RIMS3: variants seen among roughly 807,000 people sequenced by gnomAD.
The protein encoded by RIMS3 is regulating synaptic membrane exocytosis protein 3.
RIMS3 carries 15 observed loss-of-function variants against 29.2 expected under a neutral mutation model. That is an observed-to-expected ratio of 0.51 (90% CI 0.34 to 0.79). The LOEUF (loss-of-function observed/expected upper bound fraction) is 0.79. Among genes scored for constraint, RIMS3 ranks in the 30% least tolerant of loss-of-function variants. The pLI is 0.01. For synonymous variants in RIMS3, 161 were observed against 170.1 expected (o/e 0.95, Z 0.41); for missense variants, 342 against 421.4 (o/e 0.81, Z 1.65).
chr1:40,675,657 C>G, the RIMS3 span, among the ~76,000 whole-genome samples: 1 of 150,648 alleles, frequency 6.6e-6, no homozygotes, highest in African/African-American at 2.5e-5. Context: ...ACTCAGGAGG[C>G]TGAGGCAGGA....
chr1:40,686,238 A>G, the RIMS3 span, among the ~76,000 whole-genome samples: 3 of 152,012 alleles, frequency 2.0e-5, no homozygotes, highest in African/African-American at 7.2e-5. Flanking sequence ...CACAGCTTAC[A>G]ATGTGCCACT....
chr1:40,645,815 T>G (rs1408778134), intron 2 of RIMS3, among the ~76,000 whole-genome samples: 1 of 152,174 alleles, frequency 6.6e-6, no homozygotes, highest in Non-Finnish European at 1.5e-5. Flanking sequence ...GACAAGCAGT[T>G]GGTTTGGCAT....
intron 2 of RIMS3, among the ~76,000 whole-genome samples, chr1:40,642,885 G>C (rs1218856121): frequency 6.6e-6 from 1 of 150,378 alleles, no homozygotes; most frequent in African/African-American, 2.5e-5. Context: ...AAACTGGGGA[G>C]GCGGAGGTAG....
intron 5 of RIMS3, among the ~76,000 whole-genome samples, chr1:40,632,868 C>G (rs1391089819): frequency 2.0e-5 from 3 of 152,148 alleles, no homozygotes; most frequent in African/African-American, 4.8e-5. Flanking sequence ...ATTGTTAGAG[C>G]ATAGAACTCA....
intron 1 of RIMS3, among the ~76,000 whole-genome samples, chr1:40,659,524 C>T (rs1468413941): frequency 6.6e-6 from 1 of 152,160 alleles, no homozygotes; most frequent in Non-Finnish European, 1.5e-5. Flanking sequence ...TCCCTTCATT[C>T]ATCTAACAGC....
Position 40,636,104 on chromosome 1 carries a change from T to A in RIMS3, c.218-47A>T. The A allele has an allele frequency of 6.3e-7, 1 of 1,597,518 alleles. No individual in the cohort carries two copies. The highest frequency in any genetic ancestry group is 1.1e-5 in the South Asian group (1 of 90,956). On this transcript the variant is annotated intron_variant, in intron 3 of 7. Coordinates refer to ENST00000372684, the MANE Select transcript of RIMS3 (RefSeq NM_014747.3). The surrounding 1 kb of genome is among the most constrained non-coding windows in gnomAD (Gnocchi z 4.2). Reference sequence around the variant, plus strand: ...GCACAGAGAGGGAACAAGGTCAGATTATGAATGGGGCTTCTCTAAGAGTCC... The same window carrying A: ...GCACAGAGAGGGAACAAGGTCAGATAATGAATGGGGCTTCTCTAAGAGTCC...
At chr1:40,663,873 C>T (rs893677552) in intron 1 of RIMS3, among the ~76,000 whole-genome samples, 1 of 152,172 alleles carries the variant, frequency 6.6e-6, no homozygotes, top group African/African-American at 2.4e-5. Flanking sequence ...AGCTGCTGAG[C>T]CCTCCTGAGT....
chr1:40,642,905 G>A lies in RIMS3; in HGVS notation c.-31-949C>T, dbSNP rs1646567831. On this transcript the variant is annotated intron_variant, in intron 2 of 7. Transcript: ENST00000372684. ...GGGGAGGCGGAGGTAGCAGTGAGCC[G>A]AGATCGCACCATTGCACTCCAGCCT... 2.7e-5 allele frequency among the ~76,000 whole-genome samples: 4 copies of A among 150,304 alleles called. No homozygotes were observed. In the South Asian group the frequency reaches 8.5e-4, roughly 32 times the overall value.
chr1:40,685,352 ATT>A, the RIMS3 span, among the ~76,000 whole-genome samples: 101 of 44,642 alleles, frequency 2.3e-3, 2 homozygotes, highest in East Asian at 0.018. Flanking sequence ...TTATATATAT[ATT>A]ATATAATATA....
Position 40,636,118 on chromosome 1 carries a change from C to T in RIMS3, c.218-61G>A. The T allele has an allele frequency of 1.3e-6, 2 of 1,584,956 alleles. No homozygotes were observed. Among genetic ancestry groups the T allele is most frequent in the Non-Finnish European group, 1.7e-6 (2 of 1,167,350 alleles). ...CAAGGTCAGATTATGAATGGGGCTT[C>T]TCTAAGAGTCCTGCCAAAGTCACTC... On this transcript the variant is annotated intron_variant, in intron 3 of 7. Coordinates refer to ENST00000372684, the MANE Select transcript of RIMS3 (RefSeq NM_014747.3). The surrounding 1 kb of genome is among the most constrained non-coding windows in gnomAD (Gnocchi z 4.2).
chr1:40,624,840 C>T lies in RIMS3; in HGVS notation c.*1677G>A, dbSNP rs532334137. The T allele has an allele frequency of 6.5e-6, 1 of 152,734 alleles. No individual in the cohort carries two copies. Among genetic ancestry groups the T allele is most frequent in the South Asian group, 2.1e-4 (1 of 4,818 alleles). The allele number at this position is 152,734 out of a possible 1,614,324, so 9.5% of individuals were successfully genotyped here. ...GCCCCAAGTCATTCAGACCCCAAGA[C>T]CTTTCTACTGCTACCCCAGGTAGCG... On this transcript the variant is annotated 3_prime_UTR_variant, in exon 8 of 8. Transcript: ENST00000372684.
chr1:40,630,826 AC>A (rs200370612), intron 5 of RIMS3, among the ~76,000 whole-genome samples: 2,624 of 152,214 alleles, frequency 0.017, 32 homozygotes, highest in Middle Eastern at 0.051. Flanking sequence ...GGCTCCCCAG[AC>A]CCTTAAGAGA....
the RIMS3 span, among the ~76,000 whole-genome samples, chr1:40,685,110 G>A: frequency 6.6e-6 from 1 of 151,794 alleles, no homozygotes; most frequent in African/African-American, 2.4e-5. Flanking sequence ...GTGGGAGATC[G>A]CTGATTGGTC....
chr1:40,659,933 G>A (rs1299128815), intron 1 of RIMS3, among the ~76,000 whole-genome samples: 1 of 152,212 alleles, frequency 6.6e-6, no homozygotes, highest in Admixed American at 6.5e-5. Context: ...AAGAAGGCTT[G>A]GAAGGGTCCT....
chr1:40,687,437 A>C, the RIMS3 span: 2 of 152,044 alleles, frequency 1.3e-5, no homozygotes, highest in Non-Finnish European at 2.9e-5. Flanking sequence ...CCCCGTCTCT[A>C]CTAAAAACAC....
intron 1 of RIMS3, among the ~76,000 whole-genome samples, chr1:40,655,291 C>G (rs888443764): frequency 6.6e-6 from 1 of 152,094 alleles, no homozygotes; most frequent in Non-Finnish European, 1.5e-5. Context: ...GCTCCCTAGG[C>G]CTCCCTGAGG....
At chr1:40,648,732 A>C (rs945194291) in intron 1 of RIMS3, among the ~76,000 whole-genome samples, 6 of 152,188 alleles carry the variant, frequency 3.9e-5, no homozygotes, top group African/African-American at 1.4e-4. Flanking sequence ...AGAGACTAGG[A>C]GCATCGCCTC....
At chr1:40,668,497 G>C (rs995276194), upstream of RIMS3, among the ~76,000 whole-genome samples, 24 of 133,996 alleles carry the variant, frequency 1.8e-4, 1 homozygote, top group African/African-American at 4.5e-4. Context: ...TGGGCGGGGG[G>C]GGGGGGGTTG....
intron 1 of RIMS3, among the ~76,000 whole-genome samples, chr1:40,664,715 G>T (rs577841034): frequency 2.0e-5 from 3 of 152,278 alleles, no homozygotes; most frequent in South Asian, 4.1e-4. Flanking sequence ...GGGCTGAGTT[G>T]TCCAGAGGTG....
Sources: allele counts gnomAD v4.1 joint callset (sites outside exome capture counted in the v4.1 genomes callset), GRCh38; gene constraint gnomAD v4.1.1; non-coding constraint Gnocchi (gnomAD v3.1); transcripts MANE v1.5; gene names NCBI Gene and HGNC (gene_info 2026-07-23, HGNC 2026-07-21).